Variants in FAM120C observed in about 807,000 individuals in gnomAD.
The protein encoded by FAM120C is family with sequence similarity 120 member C, also known as constitutive coactivator of PPAR-gamma-like protein 2.
FAM120C carries 14 observed loss-of-function variants against 71.2 expected under a neutral mutation model. That is an observed-to-expected ratio of 0.20 (90% CI 0.13 to 0.31). FAM120C has a LOEUF of 0.31. FAM120C is among the 10% of genes least tolerant of loss of function. The pLI, the probability that FAM120C is intolerant of heterozygous loss-of-function variation, is 1.00. For missense variants in FAM120C, 500 were observed against 879.0 expected (o/e 0.57, Z 5.45); for synonymous variants, 354 against 353.2 (o/e 1.00, Z -0.03).
intron 10 of FAM120C, among the ~76,000 whole-genome samples, chrX:54,098,770 C>T (rs894886678): frequency 1.8e-5 from 2 of 110,413 alleles, no homozygotes; most frequent in African/African-American, 3.3e-5. Context: ...ATTACAGGCA[C>T]GCGCCATGCC....
chrX:54,152,114 T>A (rs1205245179), intron 3 of FAM120C, among the ~76,000 whole-genome samples: 1 of 107,224 alleles, frequency 9.3e-6, no homozygotes, highest in Non-Finnish European at 1.9e-5. Context: ...GCTTCCCGGG[T>A]TGAAGCGATT....
chrX:54,127,872 C>T (rs988036072), intron 9 of FAM120C, among the ~76,000 whole-genome samples: 2 of 110,813 alleles, frequency 1.8e-5, no homozygotes, highest in East Asian at 2.9e-4. Context: ...AGATTACAGA[C>T]GTGAGCCACC....
At chrX:54,163,519 G>C (rs1399812123) in intron 1 of FAM120C, among the ~76,000 whole-genome samples, 1 of 111,599 alleles carries the variant, frequency 9.0e-6, no homozygotes, top group Non-Finnish European at 1.9e-5. Flanking sequence ...GGATTGTGGG[G>C]ATGGGGAATA....
chrX:54,182,842 C>T lies in FAM120C; in HGVS notation c.357G>A (p.Leu119=), dbSNP rs1557137628. The T allele has an allele frequency of 1.7e-6, 2 of 1,175,644 alleles. No homozygotes were observed. The highest frequency in any genetic ancestry group is 3.9e-5 in the South Asian group (2 of 51,121). Residue 119 remains leucine (L), a synonymous_variant, in exon 1 of 16, where the codon CTG becomes CTA. Coordinates refer to ENST00000375180, the MANE Select transcript of FAM120C (RefSeq NM_017848.6). ...GCGGCAGCGCCGAGCCGGCGTCCAC[C>T]AGCACCCGGGCCCCGGGCAGCTGAG... ...PPPQLPGARV[L]VDAGSALPRL... is the part of the protein sequence containing the mutation.
chrX:54,073,194 C>T lies in FAM120C; in HGVS notation c.3130G>A (p.Glu1044Lys), dbSNP rs1557120260. 1.7e-6 allele frequency: 2 copies of T among 1,211,375 alleles called. No homozygotes were observed. The highest frequency in any genetic ancestry group is 3.0e-5 in the East Asian group (1 of 33,808). The change falls in exon 16 of 16, where the codon GAG (glutamate) becomes AAG (lysine). Residue 1044 changes from glutamate to lysine, a missense_variant. Transcript: ENST00000375180. ...GCTGGAAGACGATGATCACTCTTCTCTTCCTTGATCAATGCGCCACTGTTT... is the reference window on the plus strand; with the variant it reads ...GCTGGAAGACGATGATCACTCTTCTTTTCCTTGATCAATGCGCCACTGTTT... ...NGNSGALIKE[E>K]KSDHRLPAPS...
At chrX:54,146,070 C>T (rs1557132339) in intron 4 of FAM120C, among the ~76,000 whole-genome samples, 2 of 110,396 alleles carry the variant, frequency 1.8e-5, no homozygotes, top group African/African-American at 6.6e-5. Context: ...GAAAACCATA[C>T]ACCACATGTT....
chrX:54,150,299 T>A (rs184665582), intron 4 of FAM120C, among the ~76,000 whole-genome samples: 1 of 112,056 alleles, frequency 8.9e-6, no homozygotes, highest in African/African-American at 3.2e-5. Flanking sequence ...TATTTTATAA[T>A]AAAGTATTGA....
Position 54,073,187 on chromosome X carries a change from C to T in FAM120C, c.3137G>A (p.Ser1046Asn), listed in dbSNP as rs2066718673. The change falls in exon 16 of 16, where the codon AGT (serine) becomes AAT (asparagine). Residue 1046 changes from serine (S) to asparagine (N), a missense_variant. Physicochemically the swap from Ser to Asn is conservative, Grantham distance 46. This residue lies in a region of FAM120C where 85 missense variants were observed against 96.1 expected (regional missense o/e 0.88). Coordinates refer to ENST00000375180, the MANE Select transcript of FAM120C (RefSeq NM_017848.6). ...NSGALIKEEK[S>N]DHRLPAPSQC... ...TGATGGAGCTGGAAGACGATGATCA[C>T]TCTTCTCTTCCTTGATCAATGCGCC... The T allele has an allele frequency of 8.3e-7, 1 of 1,209,168 alleles. No homozygotes were observed. The highest frequency in any genetic ancestry group is 1.8e-5 in the African/African-American group (1 of 56,997).
intron 15 of FAM120C, among the ~76,000 whole-genome samples, chrX:54,078,387 G>A (rs962774671): frequency 1.8e-5 from 2 of 111,605 alleles, no homozygotes; most frequent in Non-Finnish European, 3.8e-5. Context: ...AGGTGCATCC[G>A]TTTACCTTAC....
chrX:54,162,127 C>G (rs781792475), intron 1 of FAM120C, among the ~76,000 whole-genome samples: 4 of 112,425 alleles, frequency 3.6e-5, no homozygotes, highest in Admixed American at 1.9e-4. Flanking sequence ...ACAAAAGTCT[C>G]ATGATTCCAG....
chrX:54,077,830 C>T (rs1557120812), intron 15 of FAM120C, among the ~76,000 whole-genome samples: 1 of 109,743 alleles, frequency 9.1e-6, no homozygotes, highest in Non-Finnish European at 1.9e-5. Flanking sequence ...CTCTCACCCC[C>T]TTCTTCCCCC....
chrX:54,133,080 G>GA (rs1557129700), intron 8 of FAM120C, among the ~76,000 whole-genome samples: 14 of 112,403 alleles, frequency 1.2e-4, no homozygotes, highest in Non-Finnish European at 2.3e-4. Context: ...GGCTGGGCAT[G>GA]GTGGCTCATG....
intron 10 of FAM120C, among the ~76,000 whole-genome samples, chrX:54,102,718 T>G: frequency 1.4e-5 from 1 of 71,403 alleles, no homozygotes; most frequent in Non-Finnish European, 2.6e-5. Flanking sequence ...TCCCTTGTAT[T>G]TACGTGTTTT....
At chrX:54,102,823 G>A (rs1224831685) in intron 10 of FAM120C, among the ~76,000 whole-genome samples, 1 of 98,496 alleles carries the variant, frequency 1.0e-5, no homozygotes, top group Non-Finnish European at 2.0e-5. Flanking sequence ...GGGTTCAAGC[G>A]ATTCTCCTGC....
rs1834020258 is a variant in FAM120C, at chrX:54,116,637, C to T, written c.2220G>A (p.Arg740=). ...CCGACTTCATACAGGCCAGGAAGGC[C>T]CGCATCCTTCTGTTCTTGTCTTCAA... The part of the protein sequence containing the change: ...KAVEDKNRRM[R]AFLACMKSDT... The change falls in exon 10 of 16, where the codon CGG becomes CGA. Residue 740 remains arginine (R), a synonymous_variant. Coordinates refer to ENST00000375180, the MANE Select transcript of FAM120C (RefSeq NM_017848.6). 8.3e-7 allele frequency: 1 copy of T among 1,209,700 alleles called. No homozygotes were observed. The highest frequency in any genetic ancestry group is 1.8e-5 in the African/African-American group (1 of 57,107).
chrX:54,130,340 A>G (rs1359324207), intron 9 of FAM120C, among the ~76,000 whole-genome samples: 3 of 111,638 alleles, frequency 2.7e-5, no homozygotes, highest in African/African-American at 9.8e-5. Flanking sequence ...ATAACTGTTT[A>G]TCAAAGCATT....
chrX:54,118,613 G>A (rs782543206), intron 9 of FAM120C, among the ~76,000 whole-genome samples: 1 of 106,325 alleles, frequency 9.4e-6, no homozygotes, highest in East Asian at 3.0e-4. Flanking sequence ...CCGGGATATG[G>A]TATTATCACT....
At chrX:54,169,519 G>A (rs188529899) in intron 1 of FAM120C, among the ~76,000 whole-genome samples, 3 of 111,631 alleles carry the variant, frequency 2.7e-5, no homozygotes, top group Non-Finnish European at 5.6e-5. Context: ...TCAAACTAGA[G>A]GCAATACTGC....
intron 10 of FAM120C, among the ~76,000 whole-genome samples, chrX:54,106,381 C>A (rs1189834845): frequency 1.8e-5 from 2 of 111,749 alleles, no homozygotes; most frequent in African/African-American, 6.5e-5. Flanking sequence ...AACTGGATCC[C>A]TTCCATATAC....
Sources: allele counts gnomAD v4.1 joint callset (sites outside exome capture counted in the v4.1 genomes callset), GRCh38; gene constraint gnomAD v4.1.1; regional missense constraint gnomAD v4.1.1; transcripts MANE v1.5; gene names NCBI Gene and HGNC (gene_info 2026-07-23, HGNC 2026-07-21).